Variants in GPHN observed in about 807,000 individuals in gnomAD.
GPHN encodes the protein gephyrin.
In GPHN, 17 loss-of-function variants were observed where a neutral mutation model predicts 95.5. The ratio of observed to expected loss-of-function variants is 0.18; its 90% confidence interval spans 0.12 to 0.27. GPHN has a LOEUF of 0.27. Among genes scored for constraint, GPHN ranks in the 10% least tolerant of loss-of-function variants. The probability of loss-of-function intolerance (pLI) is 1.00; values close to 1 mark genes in which losing one functional copy is unlikely to be tolerated. For synonymous variants in GPHN, 320 were observed against 322.5 expected (o/e 0.99, Z 0.08); for missense variants, 660 against 978.1 (o/e 0.67, Z 4.34).
chr14:66,732,248 A>G (rs1362492619), intron 2 of GPHN, among the ~76,000 whole-genome samples: 1 of 152,206 alleles, frequency 6.6e-6, no homozygotes, highest in Admixed American at 6.5e-5. Flanking sequence ...AACACTGACA[A>G]CCAGTACCAT....
the GPHN span, among the ~76,000 whole-genome samples, chr14:67,191,712 C>T: frequency 5.9e-5 from 9 of 152,194 alleles, no homozygotes; most frequent in Admixed American, 1.3e-4. Flanking sequence ...GAAGCCCTGA[C>T]GACACCATGG....
the GPHN span, among the ~76,000 whole-genome samples, chr14:67,302,883 C>A: frequency 6.6e-6 from 1 of 152,224 alleles, no homozygotes; most frequent in South Asian, 2.1e-4. Context: ...GAAACAGTAA[C>A]AAAACAAAGT....
At chr14:66,510,583 A>G (rs17780322) in intron 1 of GPHN, among the ~76,000 whole-genome samples, 2,302 of 152,328 alleles carry the variant, frequency 0.015, 20 homozygotes, top group Middle Eastern at 0.034. Flanking sequence ...TACATTACCT[A>G]TGAGTTTGGG....
At chr14:67,437,034 T>C in the GPHN span, among the ~76,000 whole-genome samples, 1 of 152,150 alleles carries the variant, frequency 6.6e-6, no homozygotes, top group African/African-American at 2.4e-5. Context: ...CCAGCCTAGG[T>C]GATGCAGCCA....
the GPHN span, chr14:67,223,853 C>CT: frequency 4.6e-5 from 45 of 985,782 alleles, no homozygotes; most frequent in East Asian, 4.5e-3. Flanking sequence ...TTTACTCTCA[C>CT]TTAACACCCT....
intron 4 of GPHN, among the ~76,000 whole-genome samples, chr14:66,855,675 T>G (rs1440691688): frequency 6.6e-6 from 1 of 152,094 alleles, no homozygotes; most frequent in Non-Finnish European, 1.5e-5. Context: ...ATATGGCAAT[T>G]CTGTGTTTCA....
At chr14:66,815,673 G>T (rs1016364827) in intron 3 of GPHN, among the ~76,000 whole-genome samples, 1 of 152,138 alleles carries the variant, frequency 6.6e-6, no homozygotes, top group African/African-American at 2.4e-5. Context: ...CACTAAGTGT[G>T]GAAAGGAAAG....
chr14:67,131,315 T>G (rs2153697517), intron 17 of GPHN, among the ~76,000 whole-genome samples: 1 of 152,228 alleles, frequency 6.6e-6, no homozygotes, highest in East Asian at 1.9e-4. Flanking sequence ...CCAGGGTTGT[T>G]TTCTTTCCCA....
At chr14:66,534,113 G>A (rs1474172478) in intron 1 of GPHN, among the ~76,000 whole-genome samples, 5 of 152,114 alleles carry the variant, frequency 3.3e-5, no homozygotes, top group East Asian at 1.9e-4. Context: ...ATTGCTTGCT[G>A]TAGTAGCAAT....
chr14:67,654,133 G>T, the GPHN span, among the ~76,000 whole-genome samples: 1 of 152,112 alleles, frequency 6.6e-6, no homozygotes, highest in Non-Finnish European at 1.5e-5. Flanking sequence ...TTGAAACAGG[G>T]TCTCACTCCG....
At chr14:67,294,505 T>C in the GPHN span, 1 of 152,040 alleles carries the variant, frequency 6.6e-6, no homozygotes, top group Non-Finnish European at 1.5e-5. Flanking sequence ...AGAAATTTAG[T>C]GAAACATTCA....
chr14:66,969,597 C>T (rs920587155), intron 9 of GPHN: 5 of 152,088 alleles, frequency 3.3e-5, no homozygotes, highest in South Asian at 2.1e-4. Context: ...GACAGGAGTT[C>T]GAGACCTGCC....
chr14:66,508,623 G>C (rs1364815054), intron 1 of GPHN, 32 bp downstream of exon 1: 1 of 1,566,690 alleles, frequency 6.4e-7, no homozygotes, highest in Admixed American at 1.7e-5. Flanking sequence ...GGACCTATGA[G>C]GCTGCTGTCC....
the GPHN span, among the ~76,000 whole-genome samples, chr14:67,706,541 T>C: frequency 2.6e-5 from 4 of 152,086 alleles, no homozygotes; most frequent in Non-Finnish European, 5.9e-5. Context: ...AAGCATGGAA[T>C]GGGCTTCCAG....
chr14:66,735,816 CTA>C (rs1214298511), intron 2 of GPHN, among the ~76,000 whole-genome samples: 5 of 152,024 alleles, frequency 3.3e-5, no homozygotes, highest in African/African-American at 1.2e-4. Context: ...AAGTGGGAGA[CTA>C]TACTATAGAA....
At chr14:67,365,111 C>T in the GPHN span, 6 of 1,250,714 alleles carry the variant, frequency 4.8e-6, no homozygotes, top group Non-Finnish European at 6.4e-6. Context: ...AAAAAAAGCT[C>T]CTTTTATACT....
chr14:67,438,307 G>A, the GPHN span, among the ~76,000 whole-genome samples: 1 of 152,200 alleles, frequency 6.6e-6, no homozygotes, highest in Non-Finnish European at 1.5e-5. Flanking sequence ...GGAGATTTGA[G>A]CCTGATGCTG....
the GPHN span, among the ~76,000 whole-genome samples, chr14:67,559,253 C>T: frequency 3.3e-5 from 5 of 152,074 alleles, no homozygotes; most frequent in Admixed American, 1.3e-4. Context: ...AATAAAAAAA[C>T]GGCCAGAGGA....
At chr14:66,798,614 C>T (rs888533830) in intron 3 of GPHN, among the ~76,000 whole-genome samples, 1 of 151,828 alleles carries the variant, frequency 6.6e-6, no homozygotes, top group Non-Finnish European at 1.5e-5. Flanking sequence ...CTAATAGTAG[C>T]CACTAATGAT....
Sources: gnomAD v4.1 joint callset for allele counts (sites outside exome capture counted in the v4.1 genomes callset) on GRCh38, gnomAD v4.1.1 for gene constraint, MANE v1.5 for transcripts, NCBI Gene and HGNC (gene_info 2026-07-23, HGNC 2026-07-21) for gene names.